The following FBXO9 variants were observed in gnomAD, a reference collection of about 807,000 sequenced individuals.
FBXO9 encodes F-box protein 9.
FBXO9 carries 43 observed loss-of-function variants against 63.7 expected under a neutral mutation model. The observed-to-expected ratio is 0.67, with a 90% confidence interval of 0.53 to 0.87. FBXO9 has a LOEUF of 0.87. FBXO9 is among the 40% of genes least tolerant of loss of function. The probability of loss-of-function intolerance (pLI) is 0.00; values close to 1 mark genes in which losing one functional copy is unlikely to be tolerated. For missense variants in FBXO9, 442 were observed against 533.2 expected (o/e 0.83, Z 1.68); for synonymous variants, 156 against 171.7 (o/e 0.91, Z 0.72).
At position 53,099,547 on chromosome 6, in the gene FBXO9, C is replaced by A; in HGVS notation, c.*1717C>A. Reference sequence around the variant, plus strand: ...CTTGAGGTCAGGAGTTTTAGACCAGCCTGGACAACATAGCAAGACCTCATC... The same window carrying A: ...CTTGAGGTCAGGAGTTTTAGACCAGACTGGACAACATAGCAAGACCTCATC... On this transcript the variant is annotated 3_prime_UTR_variant, in exon 13 of 13. Transcript: ENST00000323557. 6.6e-6 allele frequency: 1 copy of A among 151,878 alleles called. No individual in the cohort carries two copies. The highest frequency in any genetic ancestry group is 1.5e-5 in the Non-Finnish European group (1 of 68,190). The allele number at this position is 151,878 out of a possible 1,614,324, so 9.4% of individuals were successfully genotyped here.
At chr6:53,076,460 A>G in intron 3 of FBXO9, 26 bp from the exon 4 acceptor site, 1 of 1,490,226 alleles carries the variant, frequency 6.7e-7, no homozygotes, top group East Asian at 2.5e-5. Context: ...CAGGTTTTCA[A>G]AAATTTTTAC....
chr6:53,092,863 C>A, intron 9 of FBXO9, 39 bp downstream of exon 9: 2 of 1,382,132 alleles, frequency 1.4e-6, no homozygotes, highest in Non-Finnish European at 2.0e-6. Flanking sequence ...AAAATTCTCT[C>A]TCTCCATGTA....
intron 7 of FBXO9, among the ~76,000 whole-genome samples, chr6:53,090,492 G>T (rs1299251754): frequency 6.6e-6 from 1 of 152,012 alleles, no homozygotes; most frequent in Non-Finnish European, 1.5e-5. Flanking sequence ...TGCTTAATTT[G>T]CCTAGCTTAA....
intron 12 of FBXO9, among the ~76,000 whole-genome samples, chr6:53,096,986 T>G (rs1363442807): frequency 6.6e-6 from 1 of 152,216 alleles, no homozygotes; most frequent in East Asian, 1.9e-4. Flanking sequence ...CTTGACCCAT[T>G]AGAAAAACAT....
chr6:53,070,615 A>T (rs1214519084), intron 1 of FBXO9, among the ~76,000 whole-genome samples: 1 of 152,192 alleles, frequency 6.6e-6, no homozygotes, highest in African/African-American at 2.4e-5. Context: ...ATTATAAGTA[A>T]CCTAGAGATG....
intron 7 of FBXO9, among the ~76,000 whole-genome samples, chr6:53,088,285 AGT>A (rs1311511476): frequency 6.6e-6 from 1 of 152,202 alleles, no homozygotes; most frequent in Non-Finnish European, 1.5e-5. Context: ...GCAGATTCAA[AGT>A]GTGAAGAAAA....
intron 1 of FBXO9, among the ~76,000 whole-genome samples, chr6:53,069,738 A>C (rs1768841566): frequency 6.6e-6 from 1 of 152,184 alleles, no homozygotes; most frequent in African/African-American, 2.4e-5. Context: ...AAGCAATTAC[A>C]ATGTGGACTT....
intron 7 of FBXO9, among the ~76,000 whole-genome samples, chr6:53,090,456 T>G (rs1174901877): frequency 1.3e-5 from 2 of 152,212 alleles, no homozygotes; most frequent in African/African-American, 2.4e-5. Context: ...CAGTTACAGA[T>G]TTCTTTGTTC....
intron 12 of FBXO9, among the ~76,000 whole-genome samples, chr6:53,096,492 C>T (rs1256041437): frequency 6.6e-6 from 1 of 152,200 alleles, no homozygotes; most frequent in Non-Finnish European, 1.5e-5. Flanking sequence ...TTTCCCTGCT[C>T]ATTTGGAAGG....
chr6:53,095,533 C>G lies in FBXO9; in HGVS notation c.1074C>G (p.Tyr358Ter). ...KKEEKPLDYK[Y>*]RYFRRVPVQE... ...TGCAGAAACCACTTGACTATAAATA[C>G]AGATATTTTCGTCGTGTCCCTGTAC... is the stretch of plus-strand genomic sequence containing the variant. The change falls in exon 12 of 13, where the codon TAC becomes TAG. Residue 358 changes from tyrosine (Y) to a stop codon, truncating the protein, a stop_gained. Transcript: ENST00000323557. LOFTEE classifies it high-confidence loss of function. 6.2e-7 allele frequency: 1 copy of G among 1,612,082 alleles called. No individual in the cohort carries two copies. The highest frequency in any genetic ancestry group is 8.5e-7 in the Non-Finnish European group (1 of 1,179,216).
chr6:53,091,801 A>C (rs1205552914), intron 7 of FBXO9: 1 of 152,578 alleles, frequency 6.6e-6, no homozygotes, highest in East Asian at 1.9e-4. Flanking sequence ...ACATAGTGGC[A>C]TCCTACCTGG....
chr6:53,065,026 TTA>T (rs1266606083), upstream of FBXO9: 3 of 152,252 alleles, frequency 2.0e-5, no homozygotes, highest in African/African-American at 7.2e-5. Flanking sequence ...CTCAAAAACT[TTA>T]GTCGTTATAA....
Position 53,065,989 on chromosome 6 carries a change from G to A in FBXO9, c.3+197G>A, listed in dbSNP as rs1458045183. 5 of 1,185,266 alleles carry A rather than the reference G, an allele frequency of 4.2e-6. No homozygotes were observed. In the African/African-American group the frequency reaches 6.3e-5, roughly 15 times the overall value. The allele number at this position is 1,185,266 out of a possible 1,614,324, so 73.4% of individuals were successfully genotyped here. ...GGTGCCAACCCTGGCTTCTCCCCAG[G>A]ATTCCTTCCTGCTGAGCCTCCCCAA... On this transcript the variant is annotated intron_variant, in intron 1 of 12. Transcript: ENST00000323557.
chr6:53,096,816 A>T (rs1763225534), intron 12 of FBXO9, among the ~76,000 whole-genome samples: 1 of 152,142 alleles, frequency 6.6e-6, no homozygotes, highest in Non-Finnish European at 1.5e-5. Flanking sequence ...TGAGGTGGGA[A>T]TATCATTTGA....
chr6:53,076,659 T>G, intron 4 of FBXO9, 116 bp downstream of exon 4: 1 of 742,112 alleles, frequency 1.3e-6, no homozygotes, highest in Non-Finnish European at 2.0e-6. Context: ...TCTTAATACA[T>G]TCTTCCTTCA....
At chr6:53,074,232 CTT>C (rs1211005059) in intron 3 of FBXO9, among the ~76,000 whole-genome samples, 1 of 152,084 alleles carries the variant, frequency 6.6e-6, no homozygotes, top group Non-Finnish European at 1.5e-5. Flanking sequence ...TCTTATTCTT[CTT>C]CCATAGAGGC....
At chr6:53,065,884 C>T in intron 1 of FBXO9, 92 bp downstream of exon 1, 1 of 1,238,530 alleles carries the variant, frequency 8.1e-7, no homozygotes, top group African/African-American at 1.6e-5. Context: ...TCGGCGGGGA[C>T]TCTGGGGAGG....
chr6:53,065,784 G>A lies in FBXO9; in HGVS notation c.-6G>A. ...CCCCTCGAGCGCAGCAGGCCGCCCC[G>A]CCAGCATGGTAACCTGGCCAGGGGG... is the stretch of plus-strand genomic sequence containing the variant. On this transcript the variant is annotated 5_prime_UTR_variant, in exon 1 of 13. Transcript: ENST00000323557. The A allele has an allele frequency of 7.2e-7, 1 of 1,385,624 alleles. No homozygotes were observed. Among genetic ancestry groups the A allele is most frequent in the South Asian group, 1.5e-5 (1 of 64,522 alleles). 85.8% of individuals were successfully genotyped at this position (1,385,624 alleles called of 1,614,324 possible).
intron 7 of FBXO9, among the ~76,000 whole-genome samples, chr6:53,088,352 A>G (rs191247760): frequency 2.3e-4 from 35 of 152,342 alleles, no homozygotes; most frequent in Admixed American, 5.2e-4. Context: ...TTGAATGATG[A>G]TAATTTGAGC....
Sources: allele counts gnomAD v4.1 joint callset (sites outside exome capture counted in the v4.1 genomes callset), GRCh38; gene constraint gnomAD v4.1.1; transcripts MANE v1.5; gene names NCBI Gene and HGNC (gene_info 2026-07-23, HGNC 2026-07-21).